Variants in STK4 observed in about 807,000 individuals in gnomAD.
The protein encoded by STK4 is serine/threonine kinase 4, also known as serine/threonine-protein kinase 4.
STK4 carries 30 observed loss-of-function variants against 64.9 expected under a neutral mutation model. The ratio of observed to expected loss-of-function variants is 0.46; its 90% confidence interval spans 0.35 to 0.63. The LOEUF (loss-of-function observed/expected upper bound fraction) is 0.63, where lower values mean the gene tolerates loss of function less well. Ranked by LOEUF, STK4 falls within the 20% of genes least tolerant of loss-of-function variation. The probability of loss-of-function intolerance (pLI) is 0.01; values close to 1 mark genes in which losing one functional copy is unlikely to be tolerated. For missense variants in STK4, 466 were observed against 598.5 expected (o/e 0.78, Z 2.31); for synonymous variants, 177 against 199.0 (o/e 0.89, Z 0.93).
intron 9 of STK4, among the ~76,000 whole-genome samples, chr20:45,009,129 G>A (rs1433652514): frequency 6.6e-6 from 1 of 152,110 alleles, no homozygotes; most frequent in Non-Finnish European, 1.5e-5. Context: ...GTTGTGAAGG[G>A]TATCGCCTAG....
At chr20:45,071,331 T>G (rs1600577579) in intron 10 of STK4, among the ~76,000 whole-genome samples, 1 of 152,264 alleles carries the variant, frequency 6.6e-6, no homozygotes, top group African/African-American at 2.4e-5. Context: ...CTGCAAGATA[T>G]TCATTTGAAA....
At chr20:45,048,917 C>G (rs117621089) in intron 10 of STK4, among the ~76,000 whole-genome samples, 1 of 152,010 alleles carries the variant, frequency 6.6e-6, no homozygotes, top group Non-Finnish European at 1.5e-5. Context: ...CACTGATAGA[C>G]CTTTTGTGTT....
chr20:44,978,507 G>C lies in STK4; in HGVS notation c.181G>C (p.Val61Leu). 1 of 1,614,128 alleles carries C rather than the reference G, an allele frequency of 6.2e-7. No individual in the cohort carries two copies. The highest frequency in any genetic ancestry group is 8.5e-7 in the Non-Finnish European group (1 of 1,180,010). Reference sequence around the variant, plus strand: ...CGGCCAGATTGTTGCTATTAAGCAAGTTCCTGTGGAATCAGACCTCCAGGA... The same window carrying C: ...CGGCCAGATTGTTGCTATTAAGCAACTTCCTGTGGAATCAGACCTCCAGGA... ...ETGQIVAIKQ[V>L]PVESDLQEII... The change falls in exon 3 of 11, where the codon GTT becomes CTT. Residue 61 changes from valine (V) to leucine (L), a missense_variant. Physicochemically the swap from Val to Leu is conservative, Grantham distance 32 (BLOSUM62 1). Transcript: ENST00000372806.
At chr20:45,069,501 C>T (rs1255071579) in intron 10 of STK4, among the ~76,000 whole-genome samples, 3 of 152,198 alleles carry the variant, frequency 2.0e-5, no homozygotes, top group Admixed American at 1.3e-4. Flanking sequence ...ATAACTTAGC[C>T]AGGACTGGAG....
intron 9 of STK4, among the ~76,000 whole-genome samples, chr20:45,024,360 T>C (rs1234121945): frequency 6.6e-6 from 1 of 152,112 alleles, no homozygotes; most frequent in African/African-American, 2.4e-5. Flanking sequence ...ACTGTATATA[T>C]AATACTGTAT....
At position 45,000,491 on chromosome 20, in the gene STK4, G is replaced by A. The variant is rs765698660; in HGVS notation, c.931G>A (p.Glu311Lys). The A allele has an allele frequency of 1.9e-6, 3 of 1,614,120 alleles. No homozygotes were observed. The highest frequency in any genetic ancestry group is 1.7e-5 in the Admixed American group (1 of 60,020). Residue 311 changes from glutamate to lysine, a missense_variant, in exon 8 of 11, where the codon GAA (glutamate) becomes AAA (lysine). Physicochemically the swap from Glu to Lys is moderately conservative, Grantham distance 56. This residue lies in a region of STK4 where 276 missense variants were observed against 308.9 expected (regional missense o/e 0.89). Coordinates refer to ENST00000372806, the MANE Select transcript of STK4 (RefSeq NM_006282.5). ...KLKRQESQQREVDQDDEENSE... is the reference protein window; with the variant it reads ...KLKRQESQQRKVDQDDEENSE... ...GAAACGCCAGGAATCCCAGCAGCGG[G>A]AAGTGGACCAGGACGATGAAGAAAA...
intron 10 of STK4, among the ~76,000 whole-genome samples, chr20:45,036,324 A>C (rs2068526398): frequency 6.6e-6 from 1 of 152,134 alleles, no homozygotes; most frequent in African/African-American, 2.4e-5. Context: ...ACATGATGCA[A>C]TCTTGTGCCA....
Position 45,079,444 on chromosome 20 carries a change from C to T in STK4, c.*4268C>T, listed in dbSNP as rs1980757509. 6.6e-6 allele frequency: 1 copy of T among 152,222 alleles called. No homozygotes were observed. Among genetic ancestry groups the T allele is most frequent in the Non-Finnish European group, 1.5e-5 (1 of 68,028 alleles). The allele number at this position is 152,222 out of a possible 1,614,324, so 9.4% of individuals were successfully genotyped here. On this transcript the variant is annotated 3_prime_UTR_variant, in exon 11 of 11. Transcript: ENST00000372806. Reference sequence around the variant, plus strand: ...TCCTTTCTAGCATACCATGTTGCCTCTAAAGATTGCAGCTCCTTATTTACT... The same window carrying T: ...TCCTTTCTAGCATACCATGTTGCCTTTAAAGATTGCAGCTCCTTATTTACT...
chr20:45,009,122 G>A (rs2145715886), intron 9 of STK4, among the ~76,000 whole-genome samples: 1 of 152,232 alleles, frequency 6.6e-6, no homozygotes, highest in East Asian at 1.9e-4. Context: ...GGCCAATGTT[G>A]TGAAGGGTAT....
intron 2 of STK4, 46 bp from the exon 3 acceptor site, chr20:44,978,397 G>C (rs2067375897): frequency 6.3e-7 from 1 of 1,580,496 alleles, no homozygotes; most frequent in Admixed American, 1.9e-5. Flanking sequence ...CTTATATCTT[G>C]GCTTGCTTTG....
At chr20:45,027,451 G>T (rs200635503) in intron 10 of STK4, among the ~76,000 whole-genome samples, 10 of 130,658 alleles carry the variant, frequency 7.7e-5, no homozygotes, top group Admixed American at 1.5e-4. Flanking sequence ...AAAAAAAAAA[G>T]AAGTTAGCAA....
intron 9 of STK4, among the ~76,000 whole-genome samples, chr20:45,009,949 G>C (rs2068015528): frequency 6.6e-6 from 1 of 152,010 alleles, no homozygotes; most frequent in South Asian, 2.1e-4. Flanking sequence ...GGATTTTCTA[G>C]GTATAGAATC....
intron 10 of STK4, among the ~76,000 whole-genome samples, chr20:45,047,799 T>C (rs2068719494): frequency 6.6e-6 from 1 of 152,206 alleles, no homozygotes; most frequent in South Asian, 2.1e-4. Flanking sequence ...AGTGATGGCT[T>C]ATTTATAGTG....
chr20:45,046,657 G>T (rs573195258), intron 10 of STK4, among the ~76,000 whole-genome samples: 9 of 150,574 alleles, frequency 6.0e-5, no homozygotes, highest in African/African-American at 2.2e-4. Context: ...CTGCTAATTT[G>T]CTTTTCTTTT....
rs1056724944 is a variant in STK4, at chr20:45,021,405, C to T, written c.1148-3568C>T. 2.0e-5 allele frequency among the ~76,000 whole-genome samples: 3 copies of T among 152,142 alleles called. No individual in the cohort carries two copies. In the East Asian group the frequency reaches 5.8e-4, roughly 29 times the overall value. ...TTATTCACAATAGGAATACTGCTGT[C>T]TTCTTCATATAAACTTAACATGTCA... On this transcript the variant is annotated intron_variant, in intron 9 of 10. Coordinates refer to ENST00000372806, the MANE Select transcript of STK4 (RefSeq NM_006282.5).
At chr20:44,978,629 G>A (rs567316194) in intron 3 of STK4, 58 bp downstream of exon 3, 66 of 1,575,380 alleles carry the variant, frequency 4.2e-5, no homozygotes, top group Non-Finnish European at 5.4e-5. Flanking sequence ...CTATGATTGT[G>A]TAGAGTTTGA....
chr20:45,021,912 G>A lies in STK4; in HGVS notation c.1148-3061G>A, dbSNP rs557830405. Among the ~76,000 whole-genome samples, 22 of 152,236 alleles carry A rather than the reference G, an allele frequency of 1.4e-4. No individual in the cohort carries two copies. The East Asian group carries it at 3.5e-3, about 24-fold the overall frequency. On this transcript the variant is annotated intron_variant, in intron 9 of 10. Transcript: ENST00000372806. Reference sequence around the variant, plus strand: ...TGCTACTGCCAAGTCATAAAATCACGGAATTTTTCAAAGCTGCAGGGAACA... The same window carrying A: ...TGCTACTGCCAAGTCATAAAATCACAGAATTTTTCAAAGCTGCAGGGAACA...
intron 10 of STK4, among the ~76,000 whole-genome samples, chr20:45,070,428 G>A (rs934824573): frequency 2.0e-5 from 3 of 152,202 alleles, no homozygotes; most frequent in African/African-American, 7.2e-5. Context: ...AGGATTGGAT[G>A]TTGGCAGGAG....
intron 10 of STK4, among the ~76,000 whole-genome samples, chr20:45,034,187 T>C (rs1161898570): frequency 6.6e-6 from 1 of 151,928 alleles, no homozygotes; most frequent in Non-Finnish European, 1.5e-5. Flanking sequence ...CAAGAAAGAT[T>C]ATAAATAAGT....
Sources: allele counts gnomAD v4.1 joint callset (sites outside exome capture counted in the v4.1 genomes callset), GRCh38; gene constraint gnomAD v4.1.1; regional missense constraint gnomAD v4.1.1; transcripts MANE v1.5; gene names NCBI Gene and HGNC (gene_info 2026-07-23, HGNC 2026-07-21).